RBM47: variants seen among roughly 807,000 people sequenced by gnomAD.
RBM47 encodes RNA-binding protein 47.
In RBM47, 21 loss-of-function variants were observed where a neutral mutation model predicts 47.1. The ratio of observed to expected loss-of-function variants is 0.45; its 90% CI spans 0.32 to 0.64. The LOEUF (loss-of-function observed/expected upper bound fraction) is 0.64. Ranked by LOEUF, RBM47 falls within the 30% of genes least tolerant of loss-of-function variation. The pLI is 0.05. For synonymous variants in RBM47, 375 were observed against 361.7 expected (o/e 1.04, Z -0.42); for missense variants, 708 against 870.9 (o/e 0.81, Z 2.35).
chr4:40,461,608 C>T (rs1265186045), intron 3 of RBM47, among the ~76,000 whole-genome samples: 2 of 152,144 alleles, frequency 1.3e-5, no homozygotes, highest in Non-Finnish European at 2.9e-5. Flanking sequence ...CAGTTTGTTT[C>T]TCATAGGTTC....
chr4:40,619,580 G>A (rs1389528172), intron 1 of RBM47, among the ~76,000 whole-genome samples: 23 of 152,114 alleles, frequency 1.5e-4, no homozygotes. Context: ...CTGTTGCAAG[G>A]TCGGCCTTCT....
At chr4:40,461,476 G>T (rs1247301299) in intron 3 of RBM47, among the ~76,000 whole-genome samples, 2 of 152,152 alleles carry the variant, frequency 1.3e-5, no homozygotes, top group Non-Finnish European at 2.9e-5. Flanking sequence ...AATTGGCTTA[G>T]TTATTTCCTC....
At chr4:40,443,961 G>A (rs113507085) in intron 3 of RBM47, among the ~76,000 whole-genome samples, 2,628 of 152,082 alleles carry the variant, frequency 0.017, 45 homozygotes, top group East Asian at 0.053. Flanking sequence ...CACTTTGGGC[G>A]GCTGAGGCAG....
chr4:40,601,197 C>T (rs1327315629), intron 1 of RBM47, among the ~76,000 whole-genome samples: 1 of 152,074 alleles, frequency 6.6e-6, no homozygotes, highest in East Asian at 1.9e-4. Context: ...CTATAATTAG[C>T]TGTGTGTTTT....
At position 40,423,708 on chromosome 4, in the gene RBM47, CTTTCTTTTCTTTCTTTT is replaced by C. The variant is rs1244712115; in HGVS notation, c.*2179_*2195del. On this transcript the variant is annotated 3_prime_UTR_variant, in exon 7 of 7. Coordinates refer to ENST00000295971, the MANE Select transcript of RBM47 (RefSeq NM_001098634.2). ...TCTTTCTTTCTTTCTTTCTTTCTTT[CTTTCTTTTCTTTCTTTT>C]CTTTCTTCCTCTTCTTCTTCTTTTT... is the stretch of plus-strand genomic sequence containing the variant. 169 of 59,282 alleles carry C rather than the reference CTTTCTTTTCTTTCTTTT, an allele frequency of 2.9e-3. 3 individuals carry two copies. Among genetic ancestry groups the C allele is most frequent in the African/African-American group, 0.016 (167 of 10,330 alleles). 3.7% of individuals were successfully genotyped at this position (59,282 alleles called of 1,614,324 possible).
chr4:40,435,098 A>G (rs1712123917), intron 5 of RBM47, among the ~76,000 whole-genome samples: 1 of 152,134 alleles, frequency 6.6e-6, no homozygotes, highest in African/African-American at 2.4e-5. Context: ...CATGGGCACT[A>G]ATGACATTAA....
At chr4:40,528,140 T>A (rs954292339) in intron 2 of RBM47, among the ~76,000 whole-genome samples, 33 of 152,134 alleles carry the variant, frequency 2.2e-4, no homozygotes, top group Admixed American at 2.0e-3. Flanking sequence ...GGGCCAGGTG[T>A]GGTGGCTCAT....
chr4:40,443,715 C>T (rs1177929406), intron 3 of RBM47, among the ~76,000 whole-genome samples: 1 of 31,624 alleles, frequency 3.2e-5, no homozygotes, highest in Non-Finnish European at 6.2e-5. Flanking sequence ...GAAACTCCTT[C>T]TCAAAAAAAA....
At chr4:40,427,960 G>A (rs1452045091) in intron 6 of RBM47, among the ~76,000 whole-genome samples, 1 of 152,144 alleles carries the variant, frequency 6.6e-6, no homozygotes, top group African/African-American at 2.4e-5. Flanking sequence ...GGAGGTTGAG[G>A]TAGGAGGATG....
At chr4:40,515,035 C>T (rs1295881863) in intron 2 of RBM47, among the ~76,000 whole-genome samples, 1 of 152,222 alleles carries the variant, frequency 6.6e-6, no homozygotes, top group African/African-American at 2.4e-5. Context: ...GAAAATGCAA[C>T]TCAAAAAGTG....
chr4:40,578,415 C>T lies in RBM47; in HGVS notation c.-239-33909G>A, dbSNP rs541602629. On this transcript the variant is annotated intron_variant, in intron 1 of 6. Transcript: ENST00000295971. The stretch of plus-strand genomic sequence containing the variant: ...AGGAAGTGTTGCCCGATTCTAGAAA[C>T]TCAAATAAAAGCAATTGAGAACTTT... Among the ~76,000 whole-genome samples, 6 of 152,288 alleles carry T rather than the reference C, an allele frequency of 3.9e-5. No individual in the cohort carries two copies. In the South Asian group the frequency reaches 1.2e-3, roughly 32 times the overall value.
rs536547989 is a variant in RBM47, at chr4:40,521,644, C to T, written c.-155+22778G>A. ...AAAATCACTTGAGAGTCACAGGCTA[C>T]ATTACTTGATAAAACAAACTATGAT... On this transcript the variant is annotated intron_variant, in intron 2 of 6. Transcript: ENST00000295971. 5.3e-5 allele frequency among the ~76,000 whole-genome samples: 8 copies of T among 152,334 alleles called. No individual in the cohort carries two copies. The East Asian group carries it at 1.2e-3, about 22-fold the overall frequency.
intron 2 of RBM47, among the ~76,000 whole-genome samples, chr4:40,491,274 G>A (rs1173567140): frequency 6.6e-6 from 1 of 152,174 alleles, no homozygotes; most frequent in African/African-American, 2.4e-5. Flanking sequence ...TACGCACAAT[G>A]CAAAAGAATA....
chr4:40,497,041 C>CAAAAAAA (rs10631036), intron 2 of RBM47, among the ~76,000 whole-genome samples: 4 of 114,834 alleles, frequency 3.5e-5, no homozygotes, highest in South Asian at 2.9e-4. Context: ...AACTCCATCT[C>CAAAAAAA]AAAAAAAAAA....
In RBM47 at chr4:40,492,116, C is replaced by T. The variant is rs564854559; in HGVS notation, c.-154-25417G>A. 11 of 150,982 alleles carry T rather than the reference C, an allele frequency of 7.3e-5. No homozygotes were observed. The South Asian group carries it at 2.1e-3, about 29-fold the overall frequency. 9.4% of individuals were successfully genotyped at this position (150,982 alleles called of 1,614,324 possible). A position where few individuals can be genotyped will look rare whatever the true frequency, so the allele number is the denominator to read the frequency against. On this transcript the variant is annotated intron_variant, in intron 2 of 6. Transcript: ENST00000295971. ...AGGCACGGTGGCTCACGCCTGTAAT[C>T]CCAGCACTTTGGGAGGCAGAGATAG...
chr4:40,491,169 A>G (rs1413600375), intron 2 of RBM47, among the ~76,000 whole-genome samples: 3 of 152,214 alleles, frequency 2.0e-5, no homozygotes, highest in African/African-American at 7.2e-5. Flanking sequence ...GAAAAAACCC[A>G]AAACATGTAT....
chr4:40,521,104 A>T (rs1387911684), intron 2 of RBM47, among the ~76,000 whole-genome samples: 1 of 152,202 alleles, frequency 6.6e-6, no homozygotes, highest in African/African-American at 2.4e-5. Context: ...ACCTTTTTTT[A>T]AAGCCAATTT....
intron 6 of RBM47, among the ~76,000 whole-genome samples, chr4:40,428,129 G>C (rs1449399208): frequency 6.6e-6 from 1 of 152,156 alleles, no homozygotes; most frequent in East Asian, 1.9e-4. Flanking sequence ...GGAATTCAAA[G>C]CTGCAGTGAG....
intron 3 of RBM47, among the ~76,000 whole-genome samples, chr4:40,441,247 G>T (rs1195229565): frequency 4.9e-5 from 7 of 142,116 alleles, no homozygotes; most frequent in Admixed American, 4.4e-4. Context: ...AATATAGAAA[G>T]ACCTCGTTCT....
Sources: allele counts gnomAD v4.1 joint callset (sites outside exome capture counted in the v4.1 genomes callset), GRCh38; gene constraint gnomAD v4.1.1; transcripts MANE v1.5; gene names NCBI Gene and HGNC (gene_info 2026-07-23, HGNC 2026-07-21).